PAN3: variants seen among roughly 807,000 people sequenced by gnomAD.
The protein encoded by PAN3 is poly(A) specific ribonuclease subunit PAN3, also known as PAN2-PAN3 deadenylation complex subunit PAN3.
PAN3 carries 19 observed loss-of-function variants against 96.2 expected under a neutral mutation model. The observed-to-expected ratio is 0.20, with a 90% CI of 0.14 to 0.29. The LOEUF (loss-of-function observed/expected upper bound fraction) is 0.29. Ranked by LOEUF, PAN3 falls within the 10% of genes least tolerant of loss-of-function variation. The pLI is 1.00. For missense variants in PAN3, 882 were observed against 1,108.1 expected (o/e 0.80, Z 2.90); for synonymous variants, 433 against 406.6 (o/e 1.06, Z -0.78).
At chr13:28,276,111 G>T (rs1887036222) in intron 14 of PAN3, among the ~76,000 whole-genome samples, 1 of 152,204 alleles carries the variant, frequency 6.6e-6, no homozygotes, top group South Asian at 2.1e-4. Context: ...ACCATCATTT[G>T]TGGAAGCTTA....
intron 6 of PAN3, among the ~76,000 whole-genome samples, chr13:28,246,716 T>C (rs1343965449): frequency 6.6e-6 from 1 of 152,196 alleles, no homozygotes; most frequent in African/African-American, 2.4e-5. Flanking sequence ...CTTAACATAA[T>C]GACCTTCAGT....
At chr13:28,240,304 C>A (rs1249678307) in intron 6 of PAN3, among the ~76,000 whole-genome samples, 2 of 152,030 alleles carry the variant, frequency 1.3e-5, no homozygotes, top group East Asian at 3.9e-4. Context: ...GAATAAAAAG[C>A]TTCATACCCT....
rs991906318 is a variant in PAN3, at chr13:28,239,623, C to A, written c.1001-16669C>A. 2.3e-6 allele frequency: 3 copies of A among 1,289,504 alleles called. No homozygotes were observed. In the Admixed American group the frequency reaches 6.9e-5, roughly 30 times the overall value. 79.9% of individuals were successfully genotyped at this position (1,289,504 alleles called of 1,614,324 possible). A position where few individuals can be genotyped will look rare whatever the true frequency, so the allele number is the denominator to read the frequency against. ...GTCAGCACTGGACTTGAAGATAAAT[C>A]CTACAATTCATGAAACTGACTGATT... On this transcript the variant is annotated intron_variant, in intron 6 of 18. Transcript: ENST00000380958.
intron 18 of PAN3, among the ~76,000 whole-genome samples, chr13:28,289,662 A>T (rs1006579644): frequency 6.6e-6 from 1 of 152,276 alleles, no homozygotes; most frequent in Non-Finnish European, 1.5e-5. Context: ...CGGGCGGATC[A>T]CGAGGTCAGG....
intron 15 of PAN3, among the ~76,000 whole-genome samples, chr13:28,279,144 C>T (rs190345090): frequency 2.0e-5 from 3 of 151,962 alleles, no homozygotes; most frequent in Admixed American, 6.6e-5. Flanking sequence ...ATAGAATAAG[C>T]GGCAGTAGAT....
intron 17 of PAN3, among the ~76,000 whole-genome samples, chr13:28,286,262 A>C (rs1168633746): frequency 6.6e-6 from 1 of 152,164 alleles, no homozygotes; most frequent in East Asian, 1.9e-4. Flanking sequence ...CACAGAGGGA[A>C]AGCATTTGTT....
Position 28,138,940 on chromosome 13 carries a change from G to T in PAN3, c.283G>T (p.Val95Leu), listed in dbSNP as rs767563875. Residue 95 changes from valine to leucine, a missense_variant, in exon 1 of 19, where the codon GTG becomes TTG. Around this residue, in one of 3 missense-constraint regions of PAN3, gnomAD observed 442 missense variants for 422.8 expected, o/e 1.05. Coordinates refer to ENST00000380958, the MANE Select transcript of PAN3 (RefSeq NM_175854.8). ...CCCCCTGGCTCTGGCTGGTGCACCC[G>T]TGGCCGGCTTTCCGCCGGGAGCCGT... ...SVPLALAGAP[V>L]AGFPPGAVAG... 2 of 1,333,786 alleles carry T rather than the reference G, an allele frequency of 1.5e-6. No homozygotes were observed. Among genetic ancestry groups the T allele is most frequent in the Admixed American group, 3.4e-5 (1 of 29,204 alleles). The allele number at this position is 1,333,786 out of a possible 1,614,324, so 82.6% of individuals were successfully genotyped here.
intron 4 of PAN3, among the ~76,000 whole-genome samples, chr13:28,191,200 T>C (rs1293257391): frequency 1.3e-5 from 2 of 152,202 alleles, no homozygotes; most frequent in Admixed American, 6.5e-5. Flanking sequence ...TAAAATTGTG[T>C]TTGCCCTGTT....
intron 4 of PAN3, among the ~76,000 whole-genome samples, chr13:28,193,736 TAAAAA>T (rs35597675): frequency 9.2e-6 from 1 of 108,146 alleles, no homozygotes; most frequent in Admixed American, 1.0e-4. Flanking sequence ...GACCCTGACT[TAAAAA>T]AAAAAAAAAA....
intron 6 of PAN3, among the ~76,000 whole-genome samples, chr13:28,225,754 A>G (rs1034010104): frequency 4.6e-5 from 7 of 152,242 alleles, no homozygotes; most frequent in African/African-American, 1.7e-4. Context: ...TGAATGGGAA[A>G]AAAAAACTTT....
chr13:28,294,498 A>C lies in PAN3; in HGVS notation c.*1976A>C, dbSNP rs1870112598. 1 of 152,642 alleles carries C rather than the reference A, an allele frequency of 6.6e-6. No individual in the cohort carries two copies. The highest frequency in any genetic ancestry group is 1.5e-5 in the Non-Finnish European group (1 of 68,036). 9.5% of individuals were successfully genotyped at this position (152,642 alleles called of 1,614,324 possible). ...ATTTTTTCCAATATTGTTTTCTTTG[A>C]AAATGAAAGGGGATCATCTATTTTA... On this transcript the variant is annotated 3_prime_UTR_variant, in exon 19 of 19. Coordinates refer to ENST00000380958, the MANE Select transcript of PAN3 (RefSeq NM_175854.8).
At chr13:28,267,534 TA>T in intron 12 of PAN3, 133 bp downstream of exon 12, 1 of 737,486 alleles carries the variant, frequency 1.4e-6, no homozygotes, top group Non-Finnish European at 2.2e-6. Flanking sequence ...CATTTTGTAC[TA>T]GTTGTTTTCA....
chr13:28,211,767 A>G (rs1378199288), intron 5 of PAN3, among the ~76,000 whole-genome samples: 1 of 152,238 alleles, frequency 6.6e-6, no homozygotes, highest in Non-Finnish European at 1.5e-5. Context: ...ACAAAAACAT[A>G]TGTAACAGCA....
intron 6 of PAN3, among the ~76,000 whole-genome samples, chr13:28,242,260 T>G (rs1883738846): frequency 6.6e-6 from 1 of 152,230 alleles, no homozygotes; most frequent in African/African-American, 2.4e-5. Flanking sequence ...TACTTAGTAC[T>G]TCTTCCGTGA....
intron 4 of PAN3, among the ~76,000 whole-genome samples, chr13:28,184,604 T>C (rs1252278968): frequency 6.6e-6 from 1 of 152,208 alleles, no homozygotes; most frequent in East Asian, 1.9e-4. Flanking sequence ...GAATTTTTTA[T>C]AATTGACAGA....
chr13:28,267,446 G>T (rs1266602479), intron 12 of PAN3, 45 bp downstream of exon 12: 2 of 1,474,720 alleles, frequency 1.4e-6, no homozygotes, highest in Non-Finnish European at 1.9e-6. Flanking sequence ...TAATGCTTTT[G>T]CTCTGTGGAA....
At chr13:28,162,253 A>G (rs571087027) in intron 1 of PAN3, among the ~76,000 whole-genome samples, 4 of 152,304 alleles carry the variant, frequency 2.6e-5, no homozygotes, top group East Asian at 3.9e-4. Flanking sequence ...TTAAAAGTCT[A>G]TGCTCATTCC....
At chr13:28,213,190 G>A (rs971404360) in intron 5 of PAN3, among the ~76,000 whole-genome samples, 1 of 151,982 alleles carries the variant, frequency 6.6e-6, no homozygotes, top group African/African-American at 2.4e-5. Context: ...AATAAAGAAT[G>A]CCATATAACA....
intron 4 of PAN3, among the ~76,000 whole-genome samples, chr13:28,180,271 A>G (rs1057500392): frequency 6.6e-6 from 1 of 152,214 alleles, no homozygotes; most frequent in South Asian, 2.1e-4. Flanking sequence ...TGTGGTTCAT[A>G]TATTCATATA....
Sources: gnomAD v4.1 joint callset for allele counts (sites outside exome capture counted in the v4.1 genomes callset) on GRCh38, gnomAD v4.1.1 for gene constraint, gnomAD v4.1.1 regional missense constraint, MANE v1.5 for transcripts, NCBI Gene and HGNC (gene_info 2026-07-23, HGNC 2026-07-21) for gene names.